The following PRKCB variants were observed in gnomAD, a reference collection of about 807,000 sequenced individuals.
The protein encoded by PRKCB is protein kinase C beta type.
A neutral mutation model predicts 81.5 loss-of-function variants in PRKCB; 13 were observed. The observed-to-expected ratio is 0.16, with a 90% confidence interval of 0.10 to 0.25. PRKCB has a LOEUF of 0.25. Among genes scored for constraint, PRKCB ranks in the 10% least tolerant of loss-of-function variants. The pLI is 1.00. For missense variants in PRKCB, 509 were observed against 875.7 expected (o/e 0.58, Z 5.29); for synonymous variants, 335 against 321.4 (o/e 1.04, Z -0.45).
intron 5 of PRKCB, among the ~76,000 whole-genome samples, chr16:24,069,328 T>C (rs976861274): frequency 2.6e-5 from 4 of 152,258 alleles, no homozygotes; most frequent in African/African-American, 9.6e-5. Context: ...TTTTAAATCA[T>C]GTAAGACTGA....
intron 3 of PRKCB, among the ~76,000 whole-genome samples, chr16:24,001,622 G>A (rs2141830830): frequency 6.6e-6 from 1 of 152,046 alleles, no homozygotes; most frequent in East Asian, 1.9e-4. Context: ...ACCAGAATAG[G>A]CAAATAACCG....
At chr16:23,863,261 C>T (rs952750029) in intron 2 of PRKCB, among the ~76,000 whole-genome samples, 2 of 130,126 alleles carry the variant, frequency 1.5e-5, no homozygotes, top group Non-Finnish European at 1.7e-5. Flanking sequence ...CACATACACA[C>T]ACACACACAC....
At chr16:24,123,312 A>C (rs1300576508) in intron 8 of PRKCB, among the ~76,000 whole-genome samples, 2 of 152,214 alleles carry the variant, frequency 1.3e-5, no homozygotes, top group East Asian at 3.8e-4. Flanking sequence ...GAGTGAAAGG[A>C]GAATGAAGCT....
chr16:23,936,865 T>C (rs1265501974), intron 2 of PRKCB, among the ~76,000 whole-genome samples: 3 of 152,132 alleles, frequency 2.0e-5, no homozygotes, highest in Non-Finnish European at 2.9e-5. Flanking sequence ...TCACTTCAGA[T>C]GTGTAGAAAT....
rs374358833 is a variant in PRKCB, at chr16:24,218,854, G to C, written c.*4038G>C. 2.0e-6 allele frequency: 2 copies of C among 985,416 alleles called. No individual in the cohort carries two copies. 61.0% of individuals were successfully genotyped at this position (985,416 alleles called of 1,614,324 possible). A position where few individuals can be genotyped will look rare whatever the true frequency, so the allele number is the denominator to read the frequency against. On this transcript the variant is annotated 3_prime_UTR_variant, in exon 17 of 17. Coordinates refer to ENST00000643927, the MANE Select transcript of PRKCB (RefSeq NM_002738.7). ...GGTTGTCTTGTAATAAAACAGCCAT[G>C]GGGTTGTCCCTCCAGTCCGAGAGAC...
intron 2 of PRKCB, among the ~76,000 whole-genome samples, chr16:23,986,356 C>T (rs1006994534): frequency 2.6e-5 from 4 of 152,062 alleles, no homozygotes; most frequent in African/African-American, 7.2e-5. Flanking sequence ...TGGGCTCAAG[C>T]GATCCTCCCA....
At chr16:24,017,394 A>G (rs1290654082) in intron 3 of PRKCB, among the ~76,000 whole-genome samples, 2 of 152,232 alleles carry the variant, frequency 1.3e-5, no homozygotes, top group Non-Finnish European at 2.9e-5. Context: ...AAGTGAAACC[A>G]TAAAAGACTA....
intron 2 of PRKCB, among the ~76,000 whole-genome samples, chr16:23,924,439 C>T (rs534077670): frequency 1.3e-5 from 2 of 152,138 alleles, no homozygotes; most frequent in South Asian, 2.1e-4. Context: ...TATCATATTG[C>T]TGTGTACTTG....
chr16:24,045,682 A>T (rs1965754788), intron 5 of PRKCB, among the ~76,000 whole-genome samples: 1 of 152,178 alleles, frequency 6.6e-6, no homozygotes, highest in Non-Finnish European at 1.5e-5. Flanking sequence ...GCTGCATCCC[A>T]TCGGCATTAC....
intron 2 of PRKCB, among the ~76,000 whole-genome samples, chr16:23,925,540 T>C (rs944067163): frequency 1.6e-4 from 24 of 152,136 alleles, no homozygotes; most frequent in African/African-American, 5.8e-4. Flanking sequence ...GACATTGTCT[T>C]GTCAGCCTTG....
rs746616566 is a variant in PRKCB, at chr16:24,179,217, G to A, written c.1395-1573G>A. Among the ~76,000 whole-genome samples the A allele has an allele frequency of 3.3e-5, 5 of 152,244 alleles. No individual in the cohort carries two copies. The South Asian group carries it at 8.3e-4, about 25-fold the overall frequency. On this transcript the variant is annotated intron_variant, in intron 12 of 16. Transcript: ENST00000643927. ...AATCAATCACTGTGACCAGCAGGAT[G>A]GAATATTTCCATTGGCTGGGACAGG... is the stretch of plus-strand genomic sequence containing the variant.
At chr16:23,896,494 A>G (rs56369961) in intron 2 of PRKCB, among the ~76,000 whole-genome samples, 2,061 of 152,316 alleles carry the variant, frequency 0.014, 39 homozygotes, top group African/African-American at 0.047. Context: ...ATAGATGACA[A>G]ATTAAAGCAG....
intron 2 of PRKCB, among the ~76,000 whole-genome samples, chr16:23,973,052 A>G (rs1243707961): frequency 6.6e-6 from 1 of 151,902 alleles, no homozygotes; most frequent in Non-Finnish European, 1.5e-5. Flanking sequence ...TTCTCATTTC[A>G]TGGTTGAAAA....
intron 5 of PRKCB, among the ~76,000 whole-genome samples, chr16:24,069,532 C>T (rs1034361411): frequency 2.0e-5 from 3 of 152,024 alleles, no homozygotes; most frequent in African/African-American, 7.3e-5. Flanking sequence ...TGCTTGAGCC[C>T]AGGAGTTTGA....
intron 7 of PRKCB, among the ~76,000 whole-genome samples, chr16:24,094,849 A>T (rs1470914909): frequency 2.0e-5 from 3 of 146,988 alleles, no homozygotes; most frequent in African/African-American, 7.7e-5. Flanking sequence ...GGAAGGAAGG[A>T]AGGAAAGGAA....
intron 9 of PRKCB, among the ~76,000 whole-genome samples, chr16:24,144,239 G>T (rs1966954539): frequency 6.6e-6 from 1 of 152,084 alleles, no homozygotes; most frequent in Admixed American, 6.6e-5. Context: ...GAAAGAGAGA[G>T]TATATATCTA....
At chr16:23,842,865 A>G (rs1378151245) in intron 2 of PRKCB, among the ~76,000 whole-genome samples, 1 of 152,210 alleles carries the variant, frequency 6.6e-6, no homozygotes, top group African/African-American at 2.4e-5. Flanking sequence ...GCACTTTTTT[A>G]TATCACAAAA....
chr16:24,125,729 C>T (rs956930822), intron 9 of PRKCB, among the ~76,000 whole-genome samples: 1 of 152,180 alleles, frequency 6.6e-6, no homozygotes, highest in Non-Finnish European at 1.5e-5. Flanking sequence ...GGATGGAATT[C>T]ATTCAGTGCC....
chr16:23,962,639 C>T (rs1235397454), intron 2 of PRKCB, among the ~76,000 whole-genome samples: 2 of 152,220 alleles, frequency 1.3e-5, no homozygotes, highest in East Asian at 1.9e-4. Context: ...CTGCCTTCCC[C>T]GTAAGGGCAG....
Sources: allele counts gnomAD v4.1 joint callset (sites outside exome capture counted in the v4.1 genomes callset), GRCh38; gene constraint gnomAD v4.1.1; transcripts MANE v1.5; gene names NCBI Gene and HGNC (gene_info 2026-07-23, HGNC 2026-07-21).